The following GSS variants were observed in gnomAD, a reference collection of about 807,000 sequenced individuals.
GSS encodes the protein GSH synthetase.
A neutral mutation model predicts 60.4 loss-of-function variants in GSS; 34 were observed. The observed-to-expected ratio is 0.56, with a 90% confidence interval of 0.43 to 0.75. The LOEUF (loss-of-function observed/expected upper bound fraction) is 0.75, where lower values mean the gene tolerates loss of function less well. GSS is among the 30% of genes least tolerant of loss of function. The probability of loss-of-function intolerance (pLI) is 0.00; values close to 1 mark genes in which losing one functional copy is unlikely to be tolerated. For missense variants in GSS, 499 were observed against 595.1 expected, an observed-to-expected ratio of 0.84 and a Z score of 1.68; for synonymous variants, 224 against 239.0, an observed-to-expected ratio of 0.94 and a Z score of 0.58.
Position 34,936,777 on chromosome 20 carries a change from G to A in GSS, c.753C>T (p.Asp251=). 2 of 1,613,098 alleles carry A rather than the reference G, an allele frequency of 1.2e-6. No individual in the cohort carries two copies. The highest frequency in any genetic ancestry group is 1.7e-6 in the Non-Finnish European group (2 of 1,179,032). ...DISEKGSLDQ[D]RRLFVDGQEI... is the part of the protein sequence containing the mutation. ...GGAATGCTTACACAAACAGCCTTCG[G>A]TCTTGGTCCAGAGACCCCTTTTCAG... The change falls in exon 8 of 13, where the codon GAC becomes GAT. Residue 251 remains aspartate, a synonymous_variant. Coordinates refer to ENST00000651619, the MANE Select transcript of GSS (RefSeq NM_000178.4).
chr20:34,943,964 G>A (rs2081503445), intron 3 of GSS, among the ~76,000 whole-genome samples: 2 of 152,282 alleles, frequency 1.3e-5, no homozygotes, highest in South Asian at 4.1e-4. Context: ...ATTCAGGGTG[G>A]ATTCTGCACA....
At chr20:34,951,536 C>T (rs2081568187) in intron 2 of GSS, 188 bp downstream of exon 2, 2 of 649,758 alleles carry the variant, frequency 3.1e-6, no homozygotes, top group East Asian at 2.8e-5. Flanking sequence ...ACACTTCAAA[C>T]CCCATATTTA....
chr20:34,952,222 TG>T (rs2081574753), intron 1 of GSS: 1 of 343,698 alleles, frequency 2.9e-6, no homozygotes, highest in Non-Finnish European at 5.7e-6. Flanking sequence ...GGCTCTTCAT[TG>T]GAGAAAGAAG....
rs35515472 is a variant in GSS, at chr20:34,929,873, G to A, written c.1112-283C>T. ...TGCTGGCTCCTTCTCTTAAATGCTG[G>A]GGTCCCAGGGGAATTGGTCCTCCAC... On this transcript the variant is annotated intron_variant, in intron 11 of 12. Coordinates refer to ENST00000651619, the MANE Select transcript of GSS (RefSeq NM_000178.4). 4.6e-3 allele frequency among the ~76,000 whole-genome samples: 697 copies of A among 152,214 alleles called. 4 individuals carry two copies. The highest frequency in any genetic ancestry group is 0.015 in the African/African-American group (605 of 41,536).
intron 6 of GSS, among the ~76,000 whole-genome samples, chr20:34,939,195 G>A (rs558479365): frequency 2.6e-5 from 4 of 152,236 alleles, no homozygotes; most frequent in African/African-American, 7.2e-5. Flanking sequence ...AGCCGAGATC[G>A]TGCCATTGCA....
chr20:34,928,879 A>G lies in GSS; in HGVS notation c.1374T>C (p.Asp458=), dbSNP rs777377263. 2 of 1,613,912 alleles carry G rather than the reference A, an allele frequency of 1.2e-6. No homozygotes were observed. The highest frequency in any genetic ancestry group is 1.7e-6 in the Non-Finnish European group (2 of 1,180,020). Residue 458 remains aspartate (D), a synonymous_variant, in exon 13 of 13, where the codon GAT becomes GAC. Transcript: ENST00000651619. Reference sequence around the variant, plus strand: ...CTGCCACTCCCGCTGCCACACCACCATCTGCATGCTCGATGGCTTTGGTTC... The same window carrying G: ...CTGCCACTCCCGCTGCCACACCACCGTCTGCATGCTCGATGGCTTTGGTTC... ...LLRTKAIEHA[D]GGVAAGVAVL...
At chr20:34,942,822 G>A in intron 4 of GSS, 109 bp downstream of exon 4, 1 of 924,074 alleles carries the variant, frequency 1.1e-6, no homozygotes, top group South Asian at 1.4e-5. Flanking sequence ...CCAGTGAGAG[G>A]CAGATTCCCA....
At chr20:34,945,932 C>T in intron 3 of GSS, 21 bp downstream of exon 3, 2 of 1,612,144 alleles carry the variant, frequency 1.2e-6, no homozygotes, top group Non-Finnish European at 8.5e-7. Context: ...CCTGGCCCCC[C>T]AATGCTTCAC....
rs757090208 is a variant in GSS, at chr20:34,942,465, C to T, written c.491+23G>A. The T allele has an allele frequency of 1.7e-5, 27 of 1,608,280 alleles. No individual in the cohort carries two copies. The East Asian group carries it at 4.9e-4, about 29-fold the overall frequency. On this transcript the variant is annotated intron_variant, in intron 5 of 12. Coordinates refer to ENST00000651619, the MANE Select transcript of GSS (RefSeq NM_000178.4). ...TCAGCATGTCACCCCACAGGTATGCCGGGGGCTGCCCAGGGGACCCACCGG... is the reference window on the plus strand; with the variant it reads ...TCAGCATGTCACCCCACAGGTATGCTGGGGGCTGCCCAGGGGACCCACCGG...
At chr20:34,931,888 G>A in intron 10 of GSS, 51 bp downstream of exon 10, 1 of 1,525,304 alleles carries the variant, frequency 6.6e-7, no homozygotes, top group Non-Finnish European at 9.1e-7. Flanking sequence ...TGGGCTGTAG[G>A]TCTCTGCCAC....
At chr20:34,935,195 T>C (rs2081431334) in intron 9 of GSS, among the ~76,000 whole-genome samples, 1 of 152,094 alleles carries the variant, frequency 6.6e-6, no homozygotes, top group Non-Finnish European at 1.5e-5. Context: ...TTAACATGAA[T>C]GAGGAGATGA....
intron 6 of GSS, among the ~76,000 whole-genome samples, chr20:34,937,405 G>C (rs865903371): frequency 2.6e-5 from 4 of 152,162 alleles, no homozygotes; most frequent in Admixed American, 6.5e-5. Context: ...CTTTCTGGAA[G>C]AATAAACAAG....
chr20:34,934,679 A>C (rs1408038721), intron 9 of GSS, among the ~76,000 whole-genome samples: 1 of 152,052 alleles, frequency 6.6e-6, no homozygotes. Flanking sequence ...TCGAGATACC[A>C]CCTCTATAGA....
In GSS at chr20:34,946,137, C is replaced by T. The variant is rs777225465; in HGVS notation, c.130-39G>A. 9 of 1,568,000 alleles carry T rather than the reference C, an allele frequency of 5.7e-6. No individual in the cohort carries two copies. The Admixed American group carries it at 1.4e-4, about 24-fold the overall frequency. On this transcript the variant is annotated intron_variant, in intron 2 of 12. Coordinates refer to ENST00000651619, the MANE Select transcript of GSS (RefSeq NM_000178.4). The stretch of plus-strand genomic sequence containing the variant: ...GAGAGAATGGGACAGGGGTAGGGCA[C>T]CTGTGAACGGGTTGTCTTCCTGCAA...
intron 6 of GSS, among the ~76,000 whole-genome samples, chr20:34,939,101 G>A (rs1005603327): frequency 2.6e-5 from 4 of 152,156 alleles, no homozygotes; most frequent in African/African-American, 9.7e-5. Flanking sequence ...TTAGCCAGGC[G>A]TGGTGGTGGG....
chr20:34,954,647 C>T (rs987723677), intron 1 of GSS: 1 of 153,660 alleles, frequency 6.5e-6, no homozygotes, highest in Admixed American at 6.5e-5. Flanking sequence ...AGCCTCAACC[C>T]TCCCTTGGCT....
At position 34,935,611 on chromosome 20, in the gene GSS, G is replaced by A. The variant is rs121909308; in HGVS notation, c.799C>T (p.Arg267Trp). ...TACTGACGAGGCATGTAGCCATCCC[G>A]GAAGTAAACCACAGCAATTTCCTGG... ...DGQEIAVVYFRDGYMPRQYSL... is the reference protein window; with the variant it reads ...DGQEIAVVYFWDGYMPRQYSL... The change falls in exon 9 of 13, where the codon CGG becomes TGG. Residue 267 changes from arginine to tryptophan, a missense_variant. Physicochemically the swap from Arg to Trp is moderately radical, Grantham distance 101 (BLOSUM62 -3). Transcript: ENST00000651619. The A allele has an allele frequency of 1.5e-5, 25 of 1,613,434 alleles. No homozygotes were observed. The highest frequency in any genetic ancestry group is 2.2e-5 in the East Asian group (1 of 44,888).
At chr20:34,929,666 A>C in intron 11 of GSS, 76 bp from the exon 12 acceptor site, 1 of 1,308,126 alleles carries the variant, frequency 7.6e-7, no homozygotes, top group Non-Finnish European at 1.1e-6. Flanking sequence ...TTGGGGCCAC[A>C]TGGGCAAGTC....
At chr20:34,937,782 A>G (rs2081451429) in intron 6 of GSS, among the ~76,000 whole-genome samples, 1 of 152,206 alleles carries the variant, frequency 6.6e-6, no homozygotes. Flanking sequence ...GTTGTCAAAG[A>G]TAGGTCCAGT....
Sources: allele counts gnomAD v4.1 joint callset (sites outside exome capture counted in the v4.1 genomes callset), GRCh38; gene constraint gnomAD v4.1.1; transcripts MANE v1.5; gene names NCBI Gene and HGNC (gene_info 2026-07-23, HGNC 2026-07-21).